The following P2RY8 variants were observed in gnomAD, a reference collection of about 807,000 sequenced individuals.
P2RY8 encodes the protein P2Y receptor family member 8.
Under a neutral mutation model 10.0 loss-of-function variants are expected in P2RY8, and 6 were observed. The ratio of observed to expected loss-of-function variants is 0.60; its 90% CI spans 0.33 to 1.19. The LOEUF (loss-of-function observed/expected upper bound fraction) is 1.19. Ranked by LOEUF, P2RY8 falls within the 50% of genes most tolerant of loss-of-function variation. The pLI, the probability that P2RY8 is intolerant of heterozygous loss-of-function variation, is 0.04. For synonymous variants in P2RY8, 276 were observed against 252.5 expected (o/e 1.09, Z -0.88); for missense variants, 456 against 542.0 (o/e 0.84, Z 1.58).
At chrX:1,487,309 G>T (rs1269169939) in intron 1 of P2RY8, among the ~76,000 whole-genome samples, 5 of 152,196 alleles carry the variant, frequency 3.3e-5, no homozygotes, top group African/African-American at 1.2e-4. Flanking sequence ...GGTCAAGTGT[G>T]CTTGAGTCCT....
rs1488531681 is a variant in P2RY8 at position 1,464,427 on chromosome X, T to G, written c.*1052A>C. 4 of 233,272 alleles carry G rather than the reference T, an allele frequency of 1.7e-5. No homozygotes were observed. 14.5% of individuals were successfully genotyped at this position (233,272 alleles called of 1,614,324 possible). On this transcript the variant is annotated 3_prime_UTR_variant, in exon 2 of 2. Coordinates refer to ENST00000381297, the MANE Select transcript of P2RY8 (RefSeq NM_178129.5). ...GTCCACACCTGCATCTGCTGCTTGG[T>G]CTCCAAACGGTCTCATGGGTCAGGC...
intron 1 of P2RY8, among the ~76,000 whole-genome samples, chrX:1,510,950 G>A (rs1336026895): frequency 6.6e-6 from 1 of 152,084 alleles, no homozygotes; most frequent in East Asian, 1.9e-4. Flanking sequence ...AGGCCAAGGC[G>A]GGTGGATCAC....
chrX:1,479,455 A>C (rs1296394780), intron 1 of P2RY8, among the ~76,000 whole-genome samples: 1 of 152,236 alleles, frequency 6.6e-6, no homozygotes. Context: ...GCTGATTTGA[A>C]GGGTTTGCAT....
chrX:1,471,074 C>A (rs2091778379), intron 1 of P2RY8, among the ~76,000 whole-genome samples: 2 of 150,544 alleles, frequency 1.3e-5, no homozygotes, highest in Admixed American at 1.3e-4. Context: ...ATGGTGTGAT[C>A]TCGGCTCTCG....
chrX:1,510,226 A>G (rs1207043688), intron 1 of P2RY8, among the ~76,000 whole-genome samples: 10 of 152,172 alleles, frequency 6.6e-5, no homozygotes, highest in Non-Finnish European at 1.2e-4. Context: ...TCTATCAATC[A>G]TCGAATAGCT....
intron 1 of P2RY8, among the ~76,000 whole-genome samples, chrX:1,499,569 G>A (rs1216129271): frequency 6.6e-6 from 1 of 151,972 alleles, no homozygotes; most frequent in East Asian, 1.9e-4. Flanking sequence ...TTAATGCAAT[G>A]TTTCACGTAC....
At chrX:1,503,178 G>A (rs1456875159) in intron 1 of P2RY8, among the ~76,000 whole-genome samples, 2 of 152,002 alleles carry the variant, frequency 1.3e-5, no homozygotes, top group African/African-American at 4.8e-5. Context: ...CAAGCCCAGG[G>A]ATGCCTGGAG....
At chrX:1,482,991 C>T (rs5948809) in intron 1 of P2RY8, among the ~76,000 whole-genome samples, 146,813 of 151,662 alleles carry the variant, frequency 0.97, 71,208 homozygotes, top group East Asian at 1. Context: ...ATACCTAATG[C>T]TAAATGACGA....
In P2RY8 at chrX:1,465,946, G is replaced by C; in HGVS notation, c.613C>G (p.Pro205Ala). 1 of 1,612,510 alleles carries C rather than the reference G, an allele frequency of 6.2e-7. No homozygotes were observed. The highest frequency in any genetic ancestry group is 8.5e-7 in the Non-Finnish European group (1 of 1,179,796). ...FTIFILLFLI[P>A]FVITVACYTA... Reference sequence around the variant, plus strand: ...TAACAAGCCACGGTGATCACGAACGGGATGAGGAACAGCAGGATGAAGATG... The same window carrying C: ...TAACAAGCCACGGTGATCACGAACGCGATGAGGAACAGCAGGATGAAGATG... Residue 205 changes from proline to alanine, a missense_variant, in exon 2 of 2, where the codon CCG becomes GCG. Pro to Ala is a conservative substitution (Grantham distance 27). Transcript: ENST00000381297.
chrX:1,515,376 C>CT (rs751109443), intron 1 of P2RY8, among the ~76,000 whole-genome samples: 39,301 of 140,828 alleles, frequency 0.28, 5,996 homozygotes, highest in Middle Eastern at 0.41. Context: ...TTCTTTCTTT[C>CT]TTTTTTTTTT....
intron 1 of P2RY8, among the ~76,000 whole-genome samples, chrX:1,484,310 A>G (rs1307439130): frequency 1.3e-4 from 20 of 152,140 alleles, no homozygotes; most frequent in Admixed American, 1.1e-3. Context: ...AGCAGTGATC[A>G]TAGACAGAGA....
In P2RY8 at chrX:1,489,651, G is replaced by T. The variant is rs183883993; in HGVS notation, c.-24-23069C>A. Among the ~76,000 whole-genome samples the T allele has an allele frequency of 3.3e-5, 5 of 150,970 alleles. No homozygotes were observed. In the East Asian group the frequency reaches 9.7e-4, roughly 29 times the overall value. Reference sequence around the variant, plus strand: ...CCAGGGCTTCCCTGCAAATGTGGAGGGAACGAATGAATGATACCCCAGATT... The same window carrying T: ...CCAGGGCTTCCCTGCAAATGTGGAGTGAACGAATGAATGATACCCCAGATT... On this transcript the variant is annotated intron_variant, in intron 1 of 1. Coordinates refer to ENST00000381297, the MANE Select transcript of P2RY8 (RefSeq NM_178129.5).
chrX:1,468,201 G>A (rs1483836507), intron 1 of P2RY8, among the ~76,000 whole-genome samples: 1 of 152,202 alleles, frequency 6.6e-6, no homozygotes, highest in East Asian at 1.9e-4. Context: ...GCCTCCCAAA[G>A]CATTGGGATT....
intron 1 of P2RY8, among the ~76,000 whole-genome samples, chrX:1,499,757 G>A (rs1390077796): frequency 6.6e-6 from 1 of 152,038 alleles, no homozygotes; most frequent in Non-Finnish European, 1.5e-5. Flanking sequence ...CCAAAACAGA[G>A]CCGTAAGTAA....
chrX:1,499,651 GA>G (rs1174245836), intron 1 of P2RY8, among the ~76,000 whole-genome samples: 28 of 150,362 alleles, frequency 1.9e-4, no homozygotes, highest in African/African-American at 2.9e-4. Flanking sequence ...TATTAATAAG[GA>G]AAAAAAAGAA....
chrX:1,514,426 CT>C (rs2092323182), intron 1 of P2RY8, among the ~76,000 whole-genome samples: 1 of 33,892 alleles, frequency 3.0e-5, no homozygotes, highest in African/African-American at 1.3e-4. Context: ...CCTTCCCTTC[CT>C]TTCCCTTCTC....
chrX:1,484,946 T>A (rs2149386999), intron 1 of P2RY8, among the ~76,000 whole-genome samples: 1 of 150,862 alleles, frequency 6.6e-6, no homozygotes, highest in African/African-American at 2.4e-5. Context: ...GTGGAGAATT[T>A]GTTAAGCAAA....
intron 1 of P2RY8, among the ~76,000 whole-genome samples, chrX:1,504,868 C>T (rs1342166386): frequency 3.9e-5 from 6 of 152,072 alleles, no homozygotes; most frequent in Admixed American, 2.6e-4. Flanking sequence ...CGTGGTGGCT[C>T]ACGCCTGTCA....
rs1295993961 is a variant in P2RY8 at position 1,499,245 on chromosome X, C to T, written c.-24-32663G>A. Among the ~76,000 whole-genome samples the T allele has an allele frequency of 2.0e-5, 3 of 148,772 alleles. No homozygotes were observed. In the South Asian group the frequency reaches 6.4e-4, roughly 32 times the overall value. On this transcript the variant is annotated intron_variant, in intron 1 of 1. Transcript: ENST00000381297. ...TGGCACGATCTCGGTTCAGTGAAAC[C>T]TCTGCCTCCCAGGTTCAAGCGATTT...
Sources: gnomAD v4.1 joint callset for allele counts (sites outside exome capture counted in the v4.1 genomes callset) on GRCh38, gnomAD v4.1.1 for gene constraint, MANE v1.5 for transcripts, NCBI Gene and HGNC (gene_info 2026-07-23, HGNC 2026-07-21) for gene names.